The following NUP43 variants were observed in gnomAD, a reference collection of about 807,000 sequenced individuals.
The protein encoded by NUP43 is nucleoporin Nup43.
Under a neutral mutation model 47.3 loss-of-function variants are expected in NUP43, and 32 were observed. The observed-to-expected ratio is 0.68, with a 90% confidence interval of 0.51 to 0.91. The LOEUF (loss-of-function observed/expected upper bound fraction) is 0.91. Ranked by LOEUF, NUP43 falls within the 40% of genes least tolerant of loss-of-function variation. The probability of loss-of-function intolerance (pLI) is 0.00; values close to 1 mark genes in which losing one functional copy is unlikely to be tolerated. For synonymous variants in NUP43, 147 were observed against 158.4 expected (o/e 0.93, Z 0.54); for missense variants, 444 against 453.9 (o/e 0.98, Z 0.20).
At chr6:149,727,347 C>T in intron 7 of NUP43, 149 bp from the exon 8 acceptor site, 1 of 1,428,926 alleles carries the variant, frequency 7.0e-7, no homozygotes, top group Non-Finnish European at 9.1e-7. Flanking sequence ...TTATACATCA[C>T]CACTTTGGAC....
intron 7 of NUP43, chr6:149,728,467 T>G (rs1784889730): frequency 1.0e-6 from 1 of 985,006 alleles, no homozygotes; most frequent in African/African-American, 1.7e-5. Context: ...TGCTCTCCGC[T>G]CCAGAATTTT....
Position 149,745,999 on chromosome 6 carries a change from C to T in NUP43, c.184G>A (p.Glu62Lys), listed in dbSNP as rs1785973669. Residue 62 changes from glutamate to lysine, a missense_variant, in exon 2 of 8, where the codon GAA (glutamate) becomes AAA (lysine). Coordinates refer to ENST00000340413, the MANE Select transcript of NUP43 (RefSeq NM_198887.3). ...FGNLDSDGGF[E>K]GDHQLLCDIR... ...TCACACAATAACTGATGGTCTCCTT[C>T]AAACCCTCCATCAGAGTCCAAGTTT... The T allele has an allele frequency of 6.8e-6, 11 of 1,613,132 alleles. No homozygotes were observed. The highest frequency in any genetic ancestry group is 9.3e-6 in the Non-Finnish European group (11 of 1,179,124).
At chr6:149,740,361 T>G (rs1190142456) in intron 4 of NUP43, among the ~76,000 whole-genome samples, 1 of 150,140 alleles carries the variant, frequency 6.7e-6, no homozygotes, top group Non-Finnish European at 1.5e-5. Flanking sequence ...CCAGGTACAG[T>G]GGCTCACGCC....
At chr6:149,737,829 T>G (rs908889029) in intron 5 of NUP43, among the ~76,000 whole-genome samples, 5 of 152,114 alleles carry the variant, frequency 3.3e-5, no homozygotes, top group Non-Finnish European at 1.5e-5. Context: ...TAGCGGGGTC[T>G]ATAGGCACGT....
rs150641374 is a variant in NUP43, at chr6:149,743,641, G to A, written c.318C>T (p.Asn106=). The A allele has an allele frequency of 3.1e-6, 5 of 1,589,946 alleles. No homozygotes were observed. The African/African-American group carries it at 5.4e-5, about 17-fold the overall frequency. The change falls in exon 3 of 8, where the codon AAC becomes AAT. Residue 106 remains asparagine, a synonymous_variant. Transcript: ENST00000340413. The stretch of plus-strand genomic sequence containing the variant: ...TTCTCAAACTAAAGTTCTTTACCTG[G>A]TTATTTGGATGGTGAAGGAAAACTG... The part of the protein sequence containing the change: ...CVTVFLHHPN[N]QTLSVNQQWT...
At chr6:149,728,198 C>G in intron 7 of NUP43, 1 of 984,642 alleles carries the variant, frequency 1.0e-6, no homozygotes, top group Non-Finnish European at 1.2e-6. Context: ...CTAAATATGT[C>G]TTAAGAGCAG....
In NUP43 at chr6:149,742,548, C is replaced by T. The variant is rs756248549; in HGVS notation, c.344G>A (p.Trp115Ter). Residue 115 changes from tryptophan (W) to a stop codon, truncating the protein, a stop_gained, in exon 4 of 8, where the codon TGG becomes TAG. Coordinates refer to ENST00000340413, the MANE Select transcript of NUP43 (RefSeq NM_198887.3). LOFTEE classifies it high-confidence loss of function. ...GCCTGTGTGGTAGTGAGCTGTAGTC[C>T]ACTGCTGGTTGACTGACAGAGTCTA... ...NNQTLSVNQQWTTAHYHTGPG... is the reference protein window; with the variant it reads ...NNQTLSVNQQ 11 of 1,613,804 alleles carry T rather than the reference C, an allele frequency of 6.8e-6. No homozygotes were observed. The highest frequency in any genetic ancestry group is 9.3e-6 in the Non-Finnish European group (11 of 1,179,720).
chr6:149,739,834 C>T (rs1226162650), intron 4 of NUP43, among the ~76,000 whole-genome samples: 3 of 152,158 alleles, frequency 2.0e-5, no homozygotes, highest in Non-Finnish European at 4.4e-5. Context: ...CATCAACTCT[C>T]GCCCTCTCCA....
intron 4 of NUP43, 71 bp from the exon 5 acceptor site, chr6:149,738,849 C>T (rs564441359): frequency 2.3e-6 from 2 of 884,908 alleles, no homozygotes; most frequent in South Asian, 6.5e-5. Flanking sequence ...TTAAATCACA[C>T]TCCTTTCATG....
chr6:149,728,125 T>C (rs17088269), intron 7 of NUP43: 17,521 of 985,286 alleles, frequency 0.018, 968 homozygotes, highest in African/African-American at 0.17. Flanking sequence ...GTATGTACCA[T>C]TAATTTACTA....
At chr6:149,736,912 C>T (rs1413519197) in intron 5 of NUP43, among the ~76,000 whole-genome samples, 1 of 151,932 alleles carries the variant, frequency 6.6e-6, no homozygotes, top group Non-Finnish European at 1.5e-5. Context: ...TGGTCTCAAA[C>T]TCCCAGGCTC....
At chr6:149,748,120 C>A (rs181431991), upstream of NUP43, among the ~76,000 whole-genome samples, 10 of 152,090 alleles carry the variant, frequency 6.6e-5, no homozygotes, top group African/African-American at 2.2e-4. Context: ...TCAAGACCAG[C>A]CTGGTCAACA....
rs916142167 is a variant in NUP43 at position 149,746,413 on chromosome 6, G to A, written c.83C>T (p.Thr28Ile). The change falls in exon 1 of 8, where the codon ACC becomes ATC. Residue 28 changes from threonine (T) to isoleucine (I), a missense_variant. Transcript: ENST00000340413. ...WRPLPPGSLQ[T>I]AETFATGSWD... ...AGATCCTGTAGCGAACGTCTCCGCGGTCTGTAAACTTCCCGGAGGCAGCGG... is the reference window on the plus strand; with the variant it reads ...AGATCCTGTAGCGAACGTCTCCGCGATCTGTAAACTTCCCGGAGGCAGCGG... 9 of 1,614,094 alleles carry A rather than the reference G, an allele frequency of 5.6e-6. No homozygotes were observed. Among genetic ancestry groups the A allele is most frequent in the African/African-American group, 1.3e-5 (1 of 74,926 alleles).
intron 4 of NUP43, among the ~76,000 whole-genome samples, chr6:149,740,183 G>A (rs1474583208): frequency 6.7e-6 from 1 of 149,972 alleles, no homozygotes; most frequent in Non-Finnish European, 1.5e-5. Flanking sequence ...GGCTGAGGTG[G>A]GAGGATCGCT....
In NUP43 at chr6:149,732,018, C is replaced by A. The variant is rs540362602; in HGVS notation, c.791-283G>T. Reference sequence around the variant, plus strand: ...GCAACATGGTGAAACACCATCTCTACTAAAAATACAAAAGTTAGCCAGGCG... The same window carrying A: ...GCAACATGGTGAAACACCATCTCTAATAAAAATACAAAAGTTAGCCAGGCG... On this transcript the variant is annotated intron_variant, in intron 6 of 7. Transcript: ENST00000340413. 2.6e-5 allele frequency among the ~76,000 whole-genome samples: 4 copies of A among 151,900 alleles called. No individual in the cohort carries two copies. The South Asian group carries it at 8.3e-4, about 32-fold the overall frequency.
In NUP43 at chr6:149,736,578, T is replaced by C; in HGVS notation, c.683A>G (p.Asn228Ser). ...ACCAGTAGCTACAACATGCTGTTGG[T>C]TGGGATGTCTATCAACACAGTGGAG... is the stretch of plus-strand genomic sequence containing the variant. ...VPLHCVDRHP[N>S]QQHVVATGGQ... is the part of the protein sequence containing the mutation. The change falls in exon 6 of 8, where the codon AAC (asparagine) becomes AGC (serine). Residue 228 changes from asparagine to serine, a missense_variant. Coordinates refer to ENST00000340413, the MANE Select transcript of NUP43 (RefSeq NM_198887.3). The C allele has an allele frequency of 1.2e-6, 2 of 1,610,172 alleles. No homozygotes were observed. Among genetic ancestry groups the C allele is most frequent in the East Asian group, 2.2e-5 (1 of 44,796 alleles).
chr6:149,745,401 G>GAAAAAA (rs748770682), intron 2 of NUP43, among the ~76,000 whole-genome samples: 1 of 118,304 alleles, frequency 8.5e-6, no homozygotes. Context: ...CTCCATCTTG[G>GAAAAAA]AAAAAAAAAA....
chr6:149,736,615 C>T lies in NUP43; in HGVS notation c.646G>A (p.Asp216Asn), dbSNP rs761018060. The change falls in exon 6 of 8, where the codon GAC becomes AAC. Residue 216 changes from aspartate (D) to asparagine (N), a missense_variant. By Grantham distance (23) the Asp-to-Asn change is conservative (BLOSUM62 1). Transcript: ENST00000340413. ...TCAACACAGTGGAGTGGCACTCGGT[C>T]ACCAGTCCTTTTGTGGGAGATAACA... is the stretch of plus-strand genomic sequence containing the variant. ...EPSQILSLTG[D>N]RVPLHCVDRH... The T allele has an allele frequency of 6.3e-7, 1 of 1,579,764 alleles. No individual in the cohort carries two copies. The highest frequency in any genetic ancestry group is 8.7e-7 in the Non-Finnish European group (1 of 1,152,990).
At position 149,736,486 on chromosome 6, in the gene NUP43, C is replaced by G. The variant is rs755594447; in HGVS notation, c.775G>C (p.Ala259Pro). ...CAATACTTACTTTCAGCTTCATGAG[C>G]CTTCAGCAGAGATACAGGCATAGTA... ...QGTMPVSLLK[A>P]HEAEMWEVHF... is the part of the protein sequence containing the mutation. Residue 259 changes from alanine (A) to proline (P), a missense_variant, in exon 6 of 8, where the codon GCT becomes CCT. Physicochemically the swap from Ala to Pro is conservative, Grantham distance 27 (BLOSUM62 -1). Coordinates refer to ENST00000340413, the MANE Select transcript of NUP43 (RefSeq NM_198887.3). 1.3e-6 allele frequency: 2 copies of G among 1,582,926 alleles called. No individual in the cohort carries two copies. Among genetic ancestry groups the G allele is most frequent in the Non-Finnish European group, 1.7e-6 (2 of 1,155,580 alleles).
Sources: gnomAD v4.1 joint callset for allele counts (sites outside exome capture counted in the v4.1 genomes callset) on GRCh38, gnomAD v4.1.1 for gene constraint, MANE v1.5 for transcripts, NCBI Gene and HGNC (gene_info 2026-07-23, HGNC 2026-07-21) for gene names.